CIB4: variants seen among roughly 807,000 people sequenced by gnomAD.
CIB4 encodes the protein calcium and integrin-binding family member 4.
A neutral mutation model predicts 25.8 loss-of-function variants in CIB4; 25 were observed. The observed-to-expected ratio is 0.97, with a 90% CI of 0.71 to 1.35. The LOEUF is 1.35. Ranked by LOEUF, CIB4 falls within the 40% of genes most tolerant of loss-of-function variation. CIB4 has a pLI of 0.00. For synonymous variants in CIB4, 75 were observed against 81.4 expected (o/e 0.92, Z 0.42); for missense variants, 235 against 228.2 (o/e 1.03, Z -0.19).
At chr2:26,632,130 G>T (rs114976780) in intron 2 of CIB4, among the ~76,000 whole-genome samples, 6 of 152,182 alleles carry the variant, frequency 3.9e-5, no homozygotes, top group African/African-American at 1.4e-4. Flanking sequence ...CTCTGAGCAC[G>T]CAGGCCCAGG....
chr2:26,607,720 A>C (rs1668917679), intron 3 of CIB4, among the ~76,000 whole-genome samples: 1 of 152,148 alleles, frequency 6.6e-6, no homozygotes, highest in Non-Finnish European at 1.5e-5. Flanking sequence ...CATCAGCACC[A>C]CCAGCACCAC....
chr2:26,589,264 T>TTCCTCCTCCTCCTTCTTTCCTCC (rs1668541252), intron 4 of CIB4, among the ~76,000 whole-genome samples: 1 of 147,018 alleles, frequency 6.8e-6, no homozygotes, highest in East Asian at 2.1e-4. Flanking sequence ...CCTATTCTCC[T>TTCCTCCTCCTCCTTCTTTCCTCC]TCCTCCTCCT....
intron 2 of CIB4, among the ~76,000 whole-genome samples, chr2:26,635,045 C>T (rs765834214): frequency 6.6e-6 from 1 of 152,260 alleles, no homozygotes; most frequent in Non-Finnish European, 1.5e-5. Context: ...CAGTCACCGC[C>T]GGAAGGGCCT....
rs958252568 is a variant in CIB4, at chr2:26,609,478, G to A, written c.187-14161C>T. ...TTTTGCAGATGTCAGTGAAGAGGCCGAGAGTTTTGTCTGGGTGAATGTGAA... is the reference window on the plus strand; with the variant it reads ...TTTTGCAGATGTCAGTGAAGAGGCCAAGAGTTTTGTCTGGGTGAATGTGAA... On this transcript the variant is annotated intron_variant, in intron 3 of 6. Coordinates refer to ENST00000288861, the MANE Select transcript of CIB4 (RefSeq NM_001029881.3). Among the ~76,000 whole-genome samples the A allele has an allele frequency of 1.8e-4, 28 of 152,352 alleles. 2 individuals carry two copies. Among genetic ancestry groups the A allele is most frequent in the East Asian group, 1.9e-4 (1 of 5,182 alleles).
intron 4 of CIB4, among the ~76,000 whole-genome samples, chr2:26,590,258 TAAAAAAAAAAAAAA>T (rs869097756): frequency 1.4e-3 from 84 of 61,830 alleles, no homozygotes; most frequent in African/African-American, 5.8e-3. Flanking sequence ...CAAGCATCTG[TAAAAAAAAAAAAAA>T]AAAAAAAAAA....
chr2:26,588,696 G>A (rs954716702), intron 4 of CIB4, among the ~76,000 whole-genome samples: 23 of 152,334 alleles, frequency 1.5e-4, no homozygotes, highest in Admixed American at 3.9e-4. Flanking sequence ...TGCACCTGCC[G>A]TGGCGTCAGT....
chr2:26,628,239 G>A (rs2148222653), intron 3 of CIB4, among the ~76,000 whole-genome samples: 1 of 152,244 alleles, frequency 6.6e-6, no homozygotes, highest in South Asian at 2.1e-4. Flanking sequence ...CTGGGGGAAG[G>A]GCAGGGCCTC....
chr2:26,629,065 C>G (rs1457096919), intron 3 of CIB4, among the ~76,000 whole-genome samples: 1 of 152,206 alleles, frequency 6.6e-6, no homozygotes, highest in Non-Finnish European at 1.5e-5. Flanking sequence ...GGCTGAGCAG[C>G]AGGGCCAGTG....
chr2:26,614,829 G>A (rs941121409), intron 3 of CIB4, among the ~76,000 whole-genome samples: 7 of 152,190 alleles, frequency 4.6e-5, no homozygotes, highest in African/African-American at 1.7e-4. Flanking sequence ...CTGAGGCTCC[G>A]GGAAGTGGAG....
intron 3 of CIB4, among the ~76,000 whole-genome samples, chr2:26,603,133 T>G (rs1183415015): frequency 6.6e-6 from 1 of 152,168 alleles, no homozygotes; most frequent in African/African-American, 2.4e-5. Flanking sequence ...AGAAAACATC[T>G]GACAGACCCA....
intron 2 of CIB4, among the ~76,000 whole-genome samples, chr2:26,630,800 T>C (rs1363299648): frequency 2.0e-5 from 3 of 151,998 alleles, no homozygotes; most frequent in South Asian, 4.1e-4. Flanking sequence ...GTAAGAGTGT[T>C]TGTGTTACCC....
At chr2:26,585,358 G>T (rs1371965975) in intron 4 of CIB4, among the ~76,000 whole-genome samples, 7 of 151,862 alleles carry the variant, frequency 4.6e-5, no homozygotes, top group African/African-American at 1.7e-4. Context: ...AGCAGAGGGT[G>T]CGGGGAGGGC....
rs574890115 is a variant in CIB4, at chr2:26,628,324, C to T, written c.186+1086G>A. Among the ~76,000 whole-genome samples the T allele has an allele frequency of 4.6e-5, 7 of 152,284 alleles. No homozygotes were observed. The South Asian group carries it at 1.0e-3, about 23-fold the overall frequency. On this transcript the variant is annotated intron_variant, in intron 3 of 6. Coordinates refer to ENST00000288861, the MANE Select transcript of CIB4 (RefSeq NM_001029881.3). The stretch of plus-strand genomic sequence containing the variant: ...GTGGGGGGAGCAGGGACAGCTCAGG[C>T]TAGCACTGCCTGTGGGGCCAGGAGT...
intron 4 of CIB4, among the ~76,000 whole-genome samples, chr2:26,590,871 T>C (rs959940478): frequency 4.6e-5 from 7 of 151,888 alleles, no homozygotes; most frequent in Non-Finnish European, 7.4e-5. Context: ...GGAGAGAGAG[T>C]GGGGAGAAAG....
At chr2:26,612,119 G>A (rs1221964220) in intron 3 of CIB4, among the ~76,000 whole-genome samples, 2 of 82,560 alleles carry the variant, frequency 2.4e-5, no homozygotes, top group African/African-American at 5.4e-5. Flanking sequence ...GGGGGTTGGA[G>A]GCAGGAGCTT....
At chr2:26,608,047 G>A (rs1261171512) in intron 3 of CIB4, among the ~76,000 whole-genome samples, 1 of 152,250 alleles carries the variant, frequency 6.6e-6, no homozygotes, top group East Asian at 1.9e-4. Flanking sequence ...AGGCCAGCCT[G>A]GCCAACATGT....
intron 4 of CIB4, among the ~76,000 whole-genome samples, chr2:26,585,216 G>T (rs900623224): frequency 2.0e-5 from 3 of 151,404 alleles, no homozygotes; most frequent in African/African-American, 7.4e-5. Context: ...CCACCAGCGG[G>T]CAGAGACCGA....
intron 2 of CIB4, 125 bp downstream of exon 2, chr2:26,640,408 C>T (rs1669612919): frequency 9.6e-7 from 1 of 1,039,238 alleles, no homozygotes; most frequent in East Asian, 2.6e-5. Flanking sequence ...CCAGCCCCAT[C>T]TCCAGGGCTG....
intron 3 of CIB4, among the ~76,000 whole-genome samples, chr2:26,613,684 G>T (rs976827046): frequency 1.3e-5 from 2 of 152,220 alleles, no homozygotes; most frequent in Non-Finnish European, 2.9e-5. Flanking sequence ...CAGGGCTTTT[G>T]GTGACAAGCC....
Sources: allele counts gnomAD v4.1 joint callset (sites outside exome capture counted in the v4.1 genomes callset), GRCh38; gene constraint gnomAD v4.1.1; transcripts MANE v1.5; gene names NCBI Gene and HGNC (gene_info 2026-07-23, HGNC 2026-07-21).